SH3BP4: variants seen among roughly 807,000 people sequenced by gnomAD.
SH3BP4 encodes SH3 domain-binding protein 4.
A neutral mutation model predicts 65.5 loss-of-function variants in SH3BP4; 33 were observed. The ratio of observed to expected loss-of-function variants is 0.50; its 90% CI spans 0.38 to 0.67. SH3BP4 has a LOEUF of 0.67. Ranked by LOEUF, SH3BP4 falls within the 30% of genes least tolerant of loss-of-function variation. The pLI, the probability that SH3BP4 is intolerant of heterozygous loss-of-function variation, is 0.00. For synonymous variants in SH3BP4, 552 were observed against 545.5 expected (o/e 1.01, Z -0.17); for missense variants, 1,134 against 1,261.4 (o/e 0.90, Z 1.53).
intron 3 of SH3BP4, among the ~76,000 whole-genome samples, chr2:235,038,322 T>TATAGTATATATA: frequency 1.3e-4 from 1 of 7,628 alleles, no homozygotes; most frequent in Admixed American, 3.5e-3. Flanking sequence ...TTATATATTA[T>TATAGTATATATA]ATATATATTA....
intron 1 of SH3BP4, among the ~76,000 whole-genome samples, chr2:234,973,107 C>T (rs1438543722): frequency 1.3e-5 from 2 of 152,168 alleles, no homozygotes; most frequent in Non-Finnish European, 2.9e-5. Flanking sequence ...AAAAATCACC[C>T]GACTTCCCTT....
intron 1 of SH3BP4, among the ~76,000 whole-genome samples, chr2:234,972,004 A>T (rs533591533): frequency 1.1e-4 from 17 of 151,296 alleles, no homozygotes; most frequent in African/African-American, 4.1e-4. Flanking sequence ...TTTAGTAGAG[A>T]CGGGGTTTCA....
chr2:235,025,835 G>A (rs1476354094), intron 2 of SH3BP4, among the ~76,000 whole-genome samples: 7 of 152,322 alleles, frequency 4.6e-5, no homozygotes, highest in African/African-American at 1.7e-4. Context: ...CAATCGGTAG[G>A]TTTTGATGTT....
At position 235,042,240 on chromosome 2, in the gene SH3BP4, G is replaced by A. The variant is rs762677370; in HGVS notation, c.1471G>A (p.Val491Ile). The part of the protein sequence containing the change: ...PKHIHPSFKT[V>I]VTIFGHDCAP... The stretch of plus-strand genomic sequence containing the variant: ...ACACATCCACCCATCCTTCAAGACG[G>A]TAGTGACCATTTTTGGGCATGACTG... Residue 491 changes from valine (V) to isoleucine (I), a missense_variant, in exon 4 of 6, where the codon GTA becomes ATA. Transcript: ENST00000392011. The surrounding 1 kb of genome is among the most constrained non-coding windows in gnomAD (Gnocchi z 7.3). The A allele has an allele frequency of 1.9e-6, 3 of 1,614,098 alleles. No individual in the cohort carries two copies. The highest frequency in any genetic ancestry group is 2.2e-5 in the South Asian group (2 of 91,080).
Position 234,977,662 on chromosome 2 carries a change from C to A in SH3BP4, c.-206-17641C>A, listed in dbSNP as rs936570662. Among the ~76,000 whole-genome samples, 2 of 152,100 alleles carry A rather than the reference C, an allele frequency of 1.3e-5. No homozygotes were observed. The highest frequency in any genetic ancestry group is 6.5e-5 in the Admixed American group (1 of 15,276). On this transcript the variant is annotated intron_variant, in intron 1 of 5. Transcript: ENST00000392011. The surrounding 1 kb of genome is among the most constrained non-coding windows in gnomAD (Gnocchi z 5.1). ...AAACAGGATGAGAGTGTCTCTCCCCCAAAGAGGGCTGGTTCAAGTATGAAT... is the reference window on the plus strand; with the variant it reads ...AAACAGGATGAGAGTGTCTCTCCCCAAAAGAGGGCTGGTTCAAGTATGAAT...
chr2:234,969,339 C>T (rs183625119), intron 1 of SH3BP4, among the ~76,000 whole-genome samples: 2 of 152,276 alleles, frequency 1.3e-5, no homozygotes, highest in African/African-American at 4.8e-5. Context: ...TCCTCATGGT[C>T]AAGTCCCCTC....
chr2:234,992,633 C>T (rs763962982), intron 1 of SH3BP4, among the ~76,000 whole-genome samples: 2 of 144,666 alleles, frequency 1.4e-5, no homozygotes, highest in Non-Finnish European at 3.0e-5. Context: ...GGTCTGGAGC[C>T]CCTGGAGATG....
chr2:235,013,922 A>G (rs553946668), intron 2 of SH3BP4, among the ~76,000 whole-genome samples: 2 of 151,918 alleles, frequency 1.3e-5, no homozygotes, highest in Admixed American at 1.3e-4. Flanking sequence ...GATAATATTA[A>G]CCCCCTCCTA....
chr2:234,986,809 AT>A (rs59337610), intron 1 of SH3BP4, among the ~76,000 whole-genome samples: 2,750 of 133,066 alleles, frequency 0.021, 68 homozygotes, highest in African/African-American at 0.061. Context: ...TAATGATTTT[AT>A]TTTTTTTTTT....
At chr2:235,006,060 A>G (rs1694283391) in intron 2 of SH3BP4, among the ~76,000 whole-genome samples, 1 of 152,206 alleles carries the variant, frequency 6.6e-6, no homozygotes, top group Non-Finnish European at 1.5e-5. Context: ...CCTGGGCAGG[A>G]GCCGCCTGTC....
intron 1 of SH3BP4, among the ~76,000 whole-genome samples, chr2:234,971,826 C>CT (rs981794036): frequency 5.3e-5 from 8 of 150,732 alleles, no homozygotes; most frequent in Admixed American, 2.6e-4. Context: ...TTTTTCTTTT[C>CT]TTTTTTTTTG....
In SH3BP4 at chr2:234,955,727, C is replaced by T. The variant is rs148973938; in HGVS notation, c.-207+3557C>T. On this transcript the variant is annotated intron_variant, in intron 1 of 5. Transcript: ENST00000392011. ...GAAGTAGAATTGCTGTATGGAATTC[C>T]TCTAATTTAAGGTTTGGGGTATTTT... is the stretch of plus-strand genomic sequence containing the variant. Among the ~76,000 whole-genome samples, 178 of 152,176 alleles carry T rather than the reference C, an allele frequency of 1.2e-3. 1 individual carries two copies. The highest frequency in any genetic ancestry group is 2.1e-3 in the Non-Finnish European group (143 of 68,028).
At position 234,952,177 on chromosome 2, in the gene SH3BP4, AGGC is replaced by A; in HGVS notation, c.-207+16_-207+18del. 6.7e-6 allele frequency: 1 copy of A among 149,502 alleles called. No individual in the cohort carries two copies. Among genetic ancestry groups the A allele is most frequent in the Non-Finnish European group, 1.5e-5 (1 of 66,754 alleles). The allele number at this position is 149,502 out of a possible 1,614,324, so 9.3% of individuals were successfully genotyped here. A position where few individuals can be genotyped will look rare whatever the true frequency, so the allele number is the denominator to read the frequency against. The stretch of plus-strand genomic sequence containing the variant: ...GGGACGCCATGCGAGCCAGGTAGGC[AGGC>A]GGCGGCGGGGAGCGCCTCGGGCGGC... On this transcript the variant is annotated splice_region_variant and intron_variant, in intron 1 of 5. Coordinates refer to ENST00000392011, the MANE Select transcript of SH3BP4 (RefSeq NM_014521.3). This position sits in a 1 kb window ranked among gnomAD's most constrained non-coding sequence, Gnocchi z 6.5.
rs191871655 is a variant in SH3BP4, at chr2:234,975,910, C to G, written c.-206-19393C>G. Among the ~76,000 whole-genome samples, 51 of 152,232 alleles carry G rather than the reference C, an allele frequency of 3.4e-4. 1 individual carries two copies. Among genetic ancestry groups the G allele is most frequent in the Non-Finnish European group, 8.8e-5 (6 of 68,006 alleles). ...AAAAAATAAATAAAAGTAGTTTGAC[C>G]AGGAACATTCAACCTTAGCTTCTCT... On this transcript the variant is annotated intron_variant, in intron 1 of 5. Coordinates refer to ENST00000392011, the MANE Select transcript of SH3BP4 (RefSeq NM_014521.3).
In SH3BP4 at chr2:234,954,015, G is replaced by A. The variant is rs146275518; in HGVS notation, c.-207+1845G>A. Among the ~76,000 whole-genome samples the A allele has an allele frequency of 5.4e-3, 828 of 151,974 alleles. 10 individuals carry two copies. The highest frequency in any genetic ancestry group is 0.019 in the African/African-American group (781 of 41,458). On this transcript the variant is annotated intron_variant, in intron 1 of 5. Transcript: ENST00000392011. ...ATGTTTGTGGGTCTGTGGAATGCCC[G>A]GGCCGTGCTTATCCAAAAGAACAGT... is the stretch of plus-strand genomic sequence containing the variant.
chr2:235,010,153 C>A (rs964235528), intron 2 of SH3BP4, among the ~76,000 whole-genome samples: 1 of 152,130 alleles, frequency 6.6e-6, no homozygotes, highest in African/African-American at 2.4e-5. Context: ...ATGGTGCACA[C>A]GGCCCCTATG....
intron 1 of SH3BP4, among the ~76,000 whole-genome samples, chr2:234,988,353 C>T (rs1185862189): frequency 6.6e-6 from 1 of 152,186 alleles, no homozygotes; most frequent in Non-Finnish European, 1.5e-5. Context: ...GCCACCACAC[C>T]CGGCCCGCCA....
chr2:234,996,894 C>G (rs1371632474), intron 2 of SH3BP4, among the ~76,000 whole-genome samples: 2 of 152,116 alleles, frequency 1.3e-5, no homozygotes, highest in Non-Finnish European at 2.9e-5. Context: ...GGGGGTCCCT[C>G]TCGGGCTCCA....
chr2:235,024,646 C>T (rs965206385), intron 2 of SH3BP4, among the ~76,000 whole-genome samples: 8 of 152,156 alleles, frequency 5.3e-5, no homozygotes, highest in African/African-American at 1.9e-4. Context: ...GTTTTCTCAT[C>T]TGTAAGATGT....
Sources: allele counts gnomAD v4.1 joint callset (sites outside exome capture counted in the v4.1 genomes callset), GRCh38; gene constraint gnomAD v4.1.1; non-coding constraint Gnocchi (gnomAD v3.1); transcripts MANE v1.5; gene names NCBI Gene and HGNC (gene_info 2026-07-23, HGNC 2026-07-21).